The following CSMD1 variants were observed in gnomAD, a reference collection of about 807,000 sequenced individuals.
CSMD1 encodes the protein CUB and Sushi multiple domains 1.
Under a neutral mutation model 417.5 loss-of-function variants are expected in CSMD1, and 213 were observed. The observed-to-expected ratio is 0.51, with a 90% CI of 0.46 to 0.57. The LOEUF is 0.57. Ranked by LOEUF, CSMD1 falls within the 20% of genes least tolerant of loss-of-function variation. The probability of loss-of-function intolerance (pLI) is 0.00; values close to 1 mark genes in which losing one functional copy is unlikely to be tolerated. For missense variants in CSMD1, 6,923 were observed against 4,529.7 expected, an observed-to-expected ratio of 1.53 and a Z score of -15.17; for synonymous variants, 2,862 against 1,736.8, an observed-to-expected ratio of 1.65 and a Z score of -16.11.
intron 12 of CSMD1, among the ~76,000 whole-genome samples, chr8:3,411,833 TGC>T (rs1491565942): frequency 2.1e-5 from 2 of 94,242 alleles, no homozygotes; most frequent in Non-Finnish European, 4.7e-5. Context: ...TATGTATATA[TGC>T]ACGTATATAT....
At chr8:3,277,396 C>T (rs1391626136) in intron 26 of CSMD1, among the ~76,000 whole-genome samples, 1 of 152,138 alleles carries the variant, frequency 6.6e-6, no homozygotes, top group African/African-American at 2.4e-5. Context: ...AGCCCGTGAG[C>T]AAGGCAGGGC....
intron 7 of CSMD1, among the ~76,000 whole-genome samples, chr8:3,624,462 C>A (rs1033906551): frequency 5.3e-5 from 8 of 152,174 alleles, no homozygotes; most frequent in African/African-American, 1.9e-4. Context: ...CTTTTTAGCA[C>A]GAAGGCACTT....
intron 5 of CSMD1, among the ~76,000 whole-genome samples, chr8:3,973,695 A>C (rs6558830): frequency 1.1e-3 from 168 of 152,100 alleles, no homozygotes; most frequent in African/African-American, 3.6e-3. Flanking sequence ...AGAGGTGTGA[A>C]TGCAAGACCT....
chr8:4,322,646 A>G (rs1386562970), intron 3 of CSMD1, among the ~76,000 whole-genome samples: 5 of 150,856 alleles, frequency 3.3e-5, no homozygotes, highest in African/African-American at 1.2e-4. Flanking sequence ...AAAATCTAAG[A>G]ATAATCACTG....
intron 11 of CSMD1, among the ~76,000 whole-genome samples, chr8:3,475,413 T>C (rs1485931403): frequency 2.0e-5 from 3 of 152,186 alleles, no homozygotes; most frequent in African/African-American, 7.2e-5. Flanking sequence ...TACAGCTACA[T>C]GTTTAAATTT....
intron 67 of CSMD1, 149 bp downstream of exon 67, chr8:2,950,082 C>T: frequency 1.7e-6 from 1 of 586,272 alleles, no homozygotes; most frequent in Non-Finnish European, 3.1e-6. Context: ...ATAAAATGGC[C>T]ACTCTGTCAA....
intron 2 of CSMD1, among the ~76,000 whole-genome samples, chr8:4,581,077 T>C (rs1244216830): frequency 2.0e-5 from 3 of 152,196 alleles, no homozygotes; most frequent in African/African-American, 7.2e-5. Context: ...TTTACATGAC[T>C]ACATTTTAAG....
At chr8:3,345,244 C>T (rs903800563) in intron 22 of CSMD1, among the ~76,000 whole-genome samples, 1 of 152,176 alleles carries the variant, frequency 6.6e-6, no homozygotes. Context: ...CACCGTGGAT[C>T]CCTGAGAGAT....
intron 1 of CSMD1, among the ~76,000 whole-genome samples, chr8:4,772,602 T>A (rs2164903): frequency 0.35 from 53,306 of 152,050 alleles, 9,637 homozygotes; most frequent in Admixed American, 0.47. Flanking sequence ...TGAATTAAAA[T>A]TTTTTCTTAG....
intron 3 of CSMD1, among the ~76,000 whole-genome samples, chr8:4,313,297 G>A (rs1047539507): frequency 3.3e-5 from 5 of 152,042 alleles, no homozygotes; most frequent in African/African-American, 2.4e-5. Flanking sequence ...CGAAGAATCT[G>A]GTTAATAGCT....
intron 40 of CSMD1, among the ~76,000 whole-genome samples, chr8:3,148,970 G>C (rs1345841794): frequency 6.6e-6 from 1 of 152,146 alleles, no homozygotes; most frequent in African/African-American, 2.4e-5. Context: ...TGTTTGATTT[G>C]AGATAAAGTT....
chr8:3,134,126 T>C (rs1420243114), intron 41 of CSMD1, among the ~76,000 whole-genome samples: 4 of 150,898 alleles, frequency 2.7e-5, no homozygotes, highest in Admixed American at 6.6e-5. Context: ...GAGCCGAGAG[T>C]GTATCACTGC....
chr8:3,854,248 G>C (rs960496889), intron 5 of CSMD1, among the ~76,000 whole-genome samples: 1 of 150,340 alleles, frequency 6.7e-6, no homozygotes, highest in African/African-American at 2.4e-5. Context: ...AATCTCAGGA[G>C]TAATACATTT....
intron 2 of CSMD1, among the ~76,000 whole-genome samples, chr8:4,454,337 A>G (rs1799341622): frequency 6.6e-6 from 1 of 152,140 alleles, no homozygotes. Context: ...GTAGACATGC[A>G]GCTTCATCTT....
intron 3 of CSMD1, among the ~76,000 whole-genome samples, chr8:4,293,672 TAAC>T (rs1482620851): frequency 6.6e-5 from 10 of 152,264 alleles, no homozygotes; most frequent in Admixed American, 6.5e-4. Flanking sequence ...CAATAAATAA[TAAC>T]AATCATATCT....
At chr8:4,098,834 C>T (rs1801157251) in intron 3 of CSMD1, among the ~76,000 whole-genome samples, 1 of 152,184 alleles carries the variant, frequency 6.6e-6, no homozygotes, top group African/African-American at 2.4e-5. Context: ...ATCACTAAGG[C>T]TATGCCATAA....
At chr8:3,907,099 CCTT>C (rs1433202349) in intron 5 of CSMD1, among the ~76,000 whole-genome samples, 4 of 152,138 alleles carry the variant, frequency 2.6e-5, no homozygotes, top group African/African-American at 9.7e-5. Context: ...ACTCAAAATC[CCTT>C]CTTCTTCGGC....
Position 4,060,148 on chromosome 8 carries a change from T to C in CSMD1, c.416-28049A>G, listed in dbSNP as rs548017930. 1.4e-3 allele frequency among the ~76,000 whole-genome samples: 220 copies of C among 152,124 alleles called. 4 individuals carry two copies. The highest frequency in any genetic ancestry group is 0.011 in the South Asian group (55 of 4,822). ...GCAAGGCTGGTTCAACATATACAAA[T>C]CAATAAATGTAATCCAGCATATAAA... On this transcript the variant is annotated intron_variant, in intron 3 of 69. Transcript: ENST00000635120.
intron 2 of CSMD1, among the ~76,000 whole-genome samples, chr8:4,456,569 C>G (rs563915983): frequency 1.1e-3 from 161 of 152,204 alleles, no homozygotes; most frequent in South Asian, 2.9e-3. Context: ...CTGAAAACAG[C>G]CCTGTCTTCT....
Sources: gnomAD v4.1 joint callset for allele counts (sites outside exome capture counted in the v4.1 genomes callset) on GRCh38, gnomAD v4.1.1 for gene constraint, MANE v1.5 for transcripts, NCBI Gene and HGNC (gene_info 2026-07-23, HGNC 2026-07-21) for gene names.